CPNE9: variants seen among roughly 807,000 people sequenced by gnomAD.
CPNE9 encodes copine-9.
CPNE9 carries 59 observed loss-of-function variants against 83.0 expected under a neutral mutation model. The observed-to-expected ratio is 0.71, with a 90% CI of 0.58 to 0.88. The LOEUF (loss-of-function observed/expected upper bound fraction) is 0.88, where lower values mean the gene tolerates loss of function less well. Ranked by LOEUF, CPNE9 falls within the 40% of genes least tolerant of loss-of-function variation. The pLI is 0.00. For missense variants in CPNE9, 619 were observed against 720.8 expected (o/e 0.86, Z 1.62); for synonymous variants, 256 against 273.4 (o/e 0.94, Z 0.63).
intron 13 of CPNE9, 109 bp from the exon 14 acceptor site, chr3:9,715,865 C>A: frequency 1.1e-6 from 1 of 887,644 alleles, no homozygotes; most frequent in Non-Finnish European, 1.8e-6. Context: ...CGGGTGGAAT[C>A]ATGTGCCTCC....
chr3:9,708,113 A>T (rs923213187), intron 7 of CPNE9, among the ~76,000 whole-genome samples: 1 of 152,180 alleles, frequency 6.6e-6, no homozygotes, highest in Non-Finnish European at 1.5e-5. Context: ...GCCCCAGCTA[A>T]TTTTTAAATT....
At chr3:9,713,303 T>G (rs115710615) in intron 10 of CPNE9, among the ~76,000 whole-genome samples, 3,276 of 152,002 alleles carry the variant, frequency 0.022, 62 homozygotes, top group Middle Eastern at 0.071. Flanking sequence ...GAATGGTAGG[T>G]GGATGGGTAG....
intron 20 of CPNE9, 41 bp downstream of exon 20, chr3:9,727,227 A>C: frequency 6.2e-7 from 1 of 1,607,258 alleles, no homozygotes; most frequent in South Asian, 1.1e-5. Context: ...TGAGAGGCAC[A>C]GTGAGAAGAG....
chr3:9,718,557 T>C lies in CPNE9; in HGVS notation c.1196T>C (p.Leu399Pro), dbSNP rs780024229. 6.2e-7 allele frequency: 1 copy of C among 1,613,552 alleles called. No homozygotes were observed. The highest frequency in any genetic ancestry group is 1.1e-5 in the South Asian group (1 of 91,060). Residue 399 changes from leucine (L) to proline (P), a missense_variant, in exon 17 of 21, where the codon CTC (leucine) becomes CCC (proline). Leu to Pro is a moderately conservative substitution (Grantham distance 98). Transcript: ENST00000383832. Reference protein sequence around the residue: ...SYFQSLRTVQLYGPTYFAPVI... With the variant: ...SYFQSLRTVQPYGPTYFAPVI... ...TTCCAGAGCCTGCGCACAGTGCAGC[T>C]CTATGGGCCCACCTACTTTGCTCCT...
At chr3:9,715,054 G>T in intron 11 of CPNE9, 99 bp downstream of exon 11, 1 of 1,150,782 alleles carries the variant, frequency 8.7e-7, no homozygotes, top group Non-Finnish European at 1.3e-6. Context: ...AGCTTTAGGA[G>T]CCAGGAAAGG....
At chr3:9,724,724 CT>C (rs1229365701) in intron 17 of CPNE9, among the ~76,000 whole-genome samples, 1 of 1,546 alleles carries the variant, frequency 6.5e-4, no homozygotes, top group African/African-American at 4.0e-3. Context: ...AGGATCCTAT[CT>C]ATCTATCTAT....
In CPNE9 at chr3:9,715,457, T is replaced by G; in HGVS notation, c.769-16T>G. ...TTCCTTTGTTTCTCATCATCACTGT[T>G]ACCTCCTCCCCTTAGGTTCTTAACC... is the stretch of plus-strand genomic sequence containing the variant. On this transcript the variant is annotated splice_polypyrimidine_tract_variant and intron_variant, in intron 12 of 20. Transcript: ENST00000383832. The G allele has an allele frequency of 6.2e-7, 1 of 1,613,700 alleles. No individual in the cohort carries two copies. Among genetic ancestry groups the G allele is most frequent in the Non-Finnish European group, 8.5e-7 (1 of 1,179,560 alleles).
rs1469735824 is a variant in CPNE9 at position 9,704,380 on chromosome 3, G to A, written c.69-207G>A. 6.6e-6 allele frequency among the ~76,000 whole-genome samples: 1 copy of A among 152,128 alleles called. No individual in the cohort carries two copies. The highest frequency in any genetic ancestry group is 1.5e-5 in the Non-Finnish European group (1 of 67,996). On this transcript the variant is annotated intron_variant, in intron 1 of 20. Coordinates refer to ENST00000383832, the MANE Select transcript of CPNE9 (RefSeq NM_153635.3). This position sits in a 1 kb window ranked among gnomAD's most constrained non-coding sequence, Gnocchi z 7.1. ...CCTTGGAGACAGTGTGGGTGCGTTC[G>A]CGTCCAGTCCGCAGAGCCATGGTTC... is the stretch of plus-strand genomic sequence containing the variant.
rs150001434 is a variant in CPNE9, at chr3:9,724,347, T to C, written c.1242-1602T>C. On this transcript the variant is annotated intron_variant, in intron 17 of 20. Transcript: ENST00000383832. ...TTAGATTGGCAGGGGGAGGACTGCA[T>C]GGGGCCCAGCAGCCCAGGCGATGAG... Among the ~76,000 whole-genome samples the C allele has an allele frequency of 6.8e-4, 103 of 152,098 alleles. 1 individual carries two copies. Among genetic ancestry groups the C allele is most frequent in the African/African-American group, 2.5e-3 (103 of 41,504 alleles).
At position 9,704,494 on chromosome 3, in the gene CPNE9, C is replaced by A; in HGVS notation, c.69-93C>A. Reference sequence around the variant, plus strand: ...ATGGGGGACAGAGGTTCGATGCGGGCCCCATGCCTCTCCTCAGTGCCCGGC... The same window carrying A: ...ATGGGGGACAGAGGTTCGATGCGGGACCCATGCCTCTCCTCAGTGCCCGGC... On this transcript the variant is annotated intron_variant, in intron 1 of 20. Coordinates refer to ENST00000383832, the MANE Select transcript of CPNE9 (RefSeq NM_153635.3). The surrounding 1 kb of genome is among the most constrained non-coding windows in gnomAD (Gnocchi z 7.1). The A allele has an allele frequency of 9.3e-7, 1 of 1,073,778 alleles. No individual in the cohort carries two copies. Among genetic ancestry groups the A allele is most frequent in the Non-Finnish European group, 1.5e-6 (1 of 687,386 alleles). 66.5% of individuals were successfully genotyped at this position (1,073,778 alleles called of 1,614,324 possible).
At chr3:9,723,936 G>A (rs2076754548) in intron 17 of CPNE9, among the ~76,000 whole-genome samples, 1 of 152,174 alleles carries the variant, frequency 6.6e-6, no homozygotes, top group South Asian at 2.1e-4. Flanking sequence ...AGCACTTTCT[G>A]CAATGATGGA....
intron 17 of CPNE9, among the ~76,000 whole-genome samples, chr3:9,722,975 C>T (rs1294197999): frequency 1.3e-5 from 2 of 152,202 alleles, no homozygotes; most frequent in African/African-American, 4.8e-5. Context: ...AAAGCCCTAA[C>T]CTCAATACAC....
chr3:9,704,681 G>C lies in CPNE9; in HGVS notation c.109+54G>C. The stretch of plus-strand genomic sequence containing the variant: ...ACTTGGGGTCTGGGCGCGACTCAGG[G>C]GCGGGTGGAGTCGGGGCCAGGGGTG... On this transcript the variant is annotated intron_variant, in intron 2 of 20. Transcript: ENST00000383832. This position sits in a 1 kb window ranked among gnomAD's most constrained non-coding sequence, Gnocchi z 7.1. 6.2e-7 allele frequency: 1 copy of C among 1,610,496 alleles called. No individual in the cohort carries two copies.
intron 17 of CPNE9, among the ~76,000 whole-genome samples, chr3:9,725,637 CATGT>C (rs4021200): frequency 3.0e-5 from 1 of 33,860 alleles, no homozygotes; most frequent in Non-Finnish European, 4.9e-5. Flanking sequence ...TATGTATATA[CATGT>C]ATGTGTATAT....
intron 17 of CPNE9, among the ~76,000 whole-genome samples, chr3:9,720,353 T>C (rs1394605606): frequency 1.3e-5 from 2 of 151,484 alleles, no homozygotes; most frequent in Admixed American, 6.6e-5. Flanking sequence ...ATAGACTTTT[T>C]CCCCTAGCGA....
intron 17 of CPNE9, among the ~76,000 whole-genome samples, chr3:9,724,590 C>T (rs564725320): frequency 1.3e-5 from 2 of 152,132 alleles, no homozygotes; most frequent in Non-Finnish European, 2.9e-5. Context: ...TTCTTTAGTC[C>T]CACTATAGCG....
intron 7 of CPNE9, among the ~76,000 whole-genome samples, chr3:9,708,675 C>G (rs569515579): frequency 6.6e-6 from 1 of 151,184 alleles, no homozygotes; most frequent in East Asian, 1.9e-4. Flanking sequence ...GCTCTGTCAC[C>G]CAGCTGGAGT....
intron 17 of CPNE9, 57 bp downstream of exon 17, chr3:9,718,659 C>A (rs902547698): frequency 5.1e-6 from 8 of 1,583,962 alleles, no homozygotes; most frequent in South Asian, 1.1e-5. Context: ...AGGGATTGAC[C>A]CCCCAAGGAT....
chr3:9,713,117 G>C, intron 10 of CPNE9, 38 bp downstream of exon 10: 1 of 1,472,924 alleles, frequency 6.8e-7, no homozygotes, highest in Non-Finnish European at 9.5e-7. Flanking sequence ...AGGAGCCAAG[G>C]ACATGCCAGT....
Sources: gnomAD v4.1 joint callset for allele counts (sites outside exome capture counted in the v4.1 genomes callset) on GRCh38, gnomAD v4.1.1 for gene constraint, Gnocchi (gnomAD v3.1) non-coding constraint, MANE v1.5 for transcripts, NCBI Gene and HGNC (gene_info 2026-07-23, HGNC 2026-07-21) for gene names.